Variants in PCNT observed in about 807,000 individuals in gnomAD.
PCNT encodes kendrin.
PCNT carries 319 observed loss-of-function variants against 380.4 expected under a neutral mutation model. That is an observed-to-expected ratio of 0.84 (90% CI 0.77 to 0.92). The LOEUF (loss-of-function observed/expected upper bound fraction) is 0.92. Ranked by LOEUF, PCNT falls within the 40% of genes least tolerant of loss-of-function variation. The pLI, the probability that PCNT is intolerant of heterozygous loss-of-function variation, is 0.00. For missense variants in PCNT, 4,400 were observed against 4,255.3 expected, an observed-to-expected ratio of 1.03 and a Z score of -0.95; for synonymous variants, 1,845 against 1,735.2, an observed-to-expected ratio of 1.06 and a Z score of -1.57.
rs587784321 is a variant in PCNT at position 46,436,069 on chromosome 21, C to T, written c.8917C>T (p.Arg2973Ter). 9.3e-6 allele frequency: 15 copies of T among 1,613,276 alleles called. No homozygotes were observed. The highest frequency in any genetic ancestry group is 1.3e-5 in the African/African-American group (1 of 74,936). Residue 2973 changes from arginine (R) to a stop codon, truncating the protein, a stop_gained, in exon 39 of 47, where the codon CGA (arginine) becomes TGA (stop). Coordinates refer to ENST00000359568, the MANE Select transcript of PCNT (RefSeq NM_006031.6). LOFTEE classifies it high-confidence loss of function. ...TGCGGACCACCTCCGGGAACAGCAG[C>T]GAGAGCTGGAGGCGATGAGGCAGCG... ...SDADHLREQQ[R>*]ELEAMRQRLL...
At chr21:46,391,762 G>A (rs1036611213) in intron 21 of PCNT, among the ~76,000 whole-genome samples, 6 of 152,226 alleles carry the variant, frequency 3.9e-5, no homozygotes, top group Non-Finnish European at 8.8e-5. Context: ...AAAACATAGT[G>A]TTAACAATAT....
intron 2 of PCNT, among the ~76,000 whole-genome samples, chr21:46,333,939 G>T (rs1044817728): frequency 2.0e-5 from 3 of 150,380 alleles, no homozygotes; most frequent in East Asian, 2.0e-4. Flanking sequence ...AGGTGTGGTG[G>T]CTCATGCCTG....
At chr21:46,390,620 C>T (rs1393667802) in intron 19 of PCNT, 50 bp from the exon 20 acceptor site, 2 of 1,593,948 alleles carry the variant, frequency 1.3e-6, no homozygotes, top group Non-Finnish European at 1.7e-6. Context: ...TTAATGTAGG[C>T]TTCAGTTATT....
At chr21:46,390,647 G>A in intron 19 of PCNT, 23 bp from the exon 20 acceptor site, 1 of 1,613,308 alleles carries the variant, frequency 6.2e-7, no homozygotes, top group Non-Finnish European at 8.5e-7. Context: ...CTGGAGTTTT[G>A]ATTTGCAAAT....
chr21:46,328,254 G>GTT (rs34324198), intron 2 of PCNT, among the ~76,000 whole-genome samples: 323 of 123,198 alleles, frequency 2.6e-3, no homozygotes, highest in Admixed American at 3.2e-3. Flanking sequence ...GGGTTGGTGT[G>GTT]TTTTTTTTTT....
At chr21:46,337,946 T>C (rs2146416188) in intron 3 of PCNT, among the ~76,000 whole-genome samples, 1 of 151,914 alleles carries the variant, frequency 6.6e-6, no homozygotes, top group African/African-American at 2.4e-5. Flanking sequence ...CAATCTTGGC[T>C]CACTACAGCC....
At chr21:46,420,698 G>T in intron 31 of PCNT, 1 of 153,306 alleles carries the variant, frequency 6.5e-6, no homozygotes, top group South Asian at 1.9e-4. Flanking sequence ...GGATGGAGTG[G>T]GCTGGGGCAT....
At chr21:46,345,673 A>G (rs1452646836) in intron 3 of PCNT, among the ~76,000 whole-genome samples, 2 of 152,158 alleles carry the variant, frequency 1.3e-5, no homozygotes, top group Admixed American at 6.5e-5. Context: ...TGTGAGCACC[A>G]TCTCCAGTGG....
Position 46,334,619 on chromosome 21 carries a change from C to A in PCNT, c.490C>A (p.His164Asn), listed in dbSNP as rs1437627538. The A allele has an allele frequency of 6.2e-7, 1 of 1,607,864 alleles. No individual in the cohort carries two copies. The highest frequency in any genetic ancestry group is 8.5e-7 in the Non-Finnish European group (1 of 1,175,608). ...GCATGGGATGTTCACAGTCAGTGACCACCCACCAGAACAGCGTGGGATGTT... is the reference window on the plus strand; with the variant it reads ...GCATGGGATGTTCACAGTCAGTGACAACCCACCAGAACAGCGTGGGATGTT... Reference protein sequence around the residue: ...EQHGMFTVSDHPPEQRGMFTI... With the variant: ...EQHGMFTVSDNPPEQRGMFTI... Residue 164 changes from histidine to asparagine, a missense_variant, in exon 3 of 47, where the codon CAC becomes AAC. Coordinates refer to ENST00000359568, the MANE Select transcript of PCNT (RefSeq NM_006031.6).
rs937914280 is a variant in PCNT at position 46,437,165 on chromosome 21, C to T, written c.9099+84C>T. On this transcript the variant is annotated intron_variant, in intron 40 of 46. Coordinates refer to ENST00000359568, the MANE Select transcript of PCNT (RefSeq NM_006031.6). ...GGCAGCTTTGTGGTTCTTTTTCACG[C>T]TTCCCCATTGTTCTTCCTCCCTCGC... is the stretch of plus-strand genomic sequence containing the variant. The T allele has an allele frequency of 5.9e-5, 51 of 861,566 alleles. No homozygotes were observed. In the Middle Eastern group the frequency reaches 1.3e-3, roughly 22 times the overall value. 53.4% of individuals were successfully genotyped at this position (861,566 alleles called of 1,614,324 possible).
intron 27 of PCNT, among the ~76,000 whole-genome samples, chr21:46,407,088 A>G (rs2086641741): frequency 6.6e-6 from 1 of 152,136 alleles, no homozygotes; most frequent in Non-Finnish European, 1.5e-5. Context: ...ATAGATTGGG[A>G]ATTTTTTCAC....
At chr21:46,327,542 A>AG (rs1362660028) in intron 2 of PCNT, among the ~76,000 whole-genome samples, 5 of 152,154 alleles carry the variant, frequency 3.3e-5, no homozygotes, top group Non-Finnish European at 7.3e-5. Context: ...TTGGGATTAT[A>AG]GGCATGAGCC....
At chr21:46,426,065 CTTTCTT>C in intron 33 of PCNT, 94 bp downstream of exon 33, 1 of 365,080 alleles carries the variant, frequency 2.7e-6, no homozygotes. Context: ...ACTAGGATTT[CTTTCTT>C]TTTTTTTTTT....
At chr21:46,326,745 G>A (rs963695704) in intron 2 of PCNT, among the ~76,000 whole-genome samples, 156 bp downstream of exon 2, 6 of 152,210 alleles carry the variant, frequency 3.9e-5, no homozygotes, top group Non-Finnish European at 8.8e-5. Context: ...CGGGTGCAGT[G>A]GCTTACGCCT....
At chr21:46,365,287 A>G (rs924066099) in intron 14 of PCNT, among the ~76,000 whole-genome samples, 3 of 114,340 alleles carry the variant, frequency 2.6e-5, no homozygotes, top group East Asian at 5.6e-4. Flanking sequence ...ATAGGGTTCT[A>G]TTCACTGCCA....
At position 46,353,116 on chromosome 21, in the gene PCNT, A is replaced by G; in HGVS notation, c.1469A>G (p.Gln490Arg). Residue 490 changes from glutamine (Q) to arginine (R), a missense_variant, in exon 10 of 47, where the codon CAA becomes CGA. Gln to Arg is a conservative substitution (Grantham distance 43). Coordinates refer to ENST00000359568, the MANE Select transcript of PCNT (RefSeq NM_006031.6). Reference protein sequence around the residue: ...SRQELSELHEQLLARTSRVED... With the variant: ...SRQELSELHERLLARTSRVED... ...CGTTATGTTGCAGAGCTACATGAGC[A>G]ACTCCTGGCGCGCACCTCTCGTGTG... 1 of 1,613,864 alleles carries G rather than the reference A, an allele frequency of 6.2e-7. No homozygotes were observed. Among genetic ancestry groups the G allele is most frequent in the Non-Finnish European group, 8.5e-7 (1 of 1,179,916 alleles).
At position 46,326,503 on chromosome 21, in the gene PCNT, A is replaced by G. The variant is rs1208125931; in HGVS notation, c.181A>G (p.Ser61Gly). The G allele has an allele frequency of 1.2e-6, 2 of 1,614,236 alleles. No homozygotes were observed. Among genetic ancestry groups the G allele is most frequent in the Admixed American group, 1.7e-5 (1 of 60,020 alleles). Residue 61 changes from serine to glycine, a missense_variant, in exon 2 of 47, where the codon AGC becomes GGC. Coordinates refer to ENST00000359568, the MANE Select transcript of PCNT (RefSeq NM_006031.6). The part of the protein sequence containing the change: ...QEESPVTKED[S>G]ALCGGGDICK... ...GGAGAGTCCGGTAACCAAGGAGGAC[A>G]GCGCACTCTGTGGAGGAGGGGACAT...
At chr21:46,347,619 G>C (rs954131045) in intron 6 of PCNT, 107 bp downstream of exon 6, 1 of 1,004,914 alleles carries the variant, frequency 1.0e-6, no homozygotes, top group Non-Finnish European at 1.6e-6. Context: ...GAAGCCAGTC[G>C]AGGCTTTATT....
chr21:46,348,349 C>T, intron 6 of PCNT: 1 of 166,746 alleles, frequency 6.0e-6, no homozygotes, highest in Non-Finnish European at 1.3e-5. Flanking sequence ...TCGCTTTGTG[C>T]AGATGCAGGT....
Sources: allele counts gnomAD v4.1 joint callset (sites outside exome capture counted in the v4.1 genomes callset), GRCh38; gene constraint gnomAD v4.1.1; transcripts MANE v1.5; gene names NCBI Gene and HGNC (gene_info 2026-07-23, HGNC 2026-07-21).